Variants in GNGT1 observed in about 807,000 individuals in gnomAD.
The protein encoded by GNGT1 is guanine nucleotide-binding protein G(T) subunit gamma-T1.
Under a neutral mutation model 7.4 loss-of-function variants are expected in GNGT1, and 4 were observed. That is an observed-to-expected ratio of 0.54 (90% CI 0.27 to 1.24). The LOEUF (loss-of-function observed/expected upper bound fraction) is 1.24, where lower values mean the gene tolerates loss of function less well. Ranked by LOEUF, GNGT1 falls within the 50% of genes most tolerant of loss-of-function variation. The pLI, the probability that GNGT1 is intolerant of heterozygous loss-of-function variation, is 0.12. For missense variants in GNGT1, 95 were observed against 82.4 expected (o/e 1.15, Z -0.59); for synonymous variants, 37 against 30.2 (o/e 1.23, Z -0.74).
chr7:93,908,899 CCTGTGCCT>C (rs1794417728), intron 2 of GNGT1, among the ~76,000 whole-genome samples: 1 of 152,050 alleles, frequency 6.6e-6, no homozygotes, highest in South Asian at 2.1e-4. Flanking sequence ...ATCTAACTCA[CCTGTGCCT>C]CTGTTTCTTC....
intron 2 of GNGT1, among the ~76,000 whole-genome samples, chr7:93,907,181 A>C (rs1272692168): frequency 6.6e-6 from 1 of 152,060 alleles, no homozygotes; most frequent in Non-Finnish European, 1.5e-5. Flanking sequence ...AAAAAGAAGG[A>C]AAGAAAGAAA....
intron 2 of GNGT1, among the ~76,000 whole-genome samples, chr7:93,908,953 T>G (rs769577664): frequency 6.6e-6 from 1 of 152,170 alleles, no homozygotes; most frequent in Non-Finnish European, 1.5e-5. Context: ...ATTCAGAGGA[T>G]AATTGGGAGG....
intron 2 of GNGT1, among the ~76,000 whole-genome samples, chr7:93,909,006 G>A (rs1195933051): frequency 2.0e-5 from 3 of 152,064 alleles, no homozygotes; most frequent in Non-Finnish European, 4.4e-5. Context: ...AACAATGCCT[G>A]GTAATAGCAA....
chr7:93,909,303 G>A (rs928772663), intron 2 of GNGT1, among the ~76,000 whole-genome samples: 6 of 152,162 alleles, frequency 3.9e-5, no homozygotes, highest in African/African-American at 1.4e-4. Context: ...TATACATGAA[G>A]TAAATGAACC....
rs866397447 is a variant in GNGT1 at position 93,906,663 on chromosome 7, G to A, written c.-12+19G>A. 1.3e-6 allele frequency: 1 copy of A among 766,812 alleles called. No individual in the cohort carries two copies. Among genetic ancestry groups the A allele is most frequent in the Non-Finnish European group, 2.3e-6 (1 of 443,652 alleles). 47.5% of individuals were successfully genotyped at this position (766,812 alleles called of 1,614,324 possible). A position where few individuals can be genotyped will look rare whatever the true frequency, so the allele number is the denominator to read the frequency against. On this transcript the variant is annotated intron_variant, in intron 1 of 2. Coordinates refer to ENST00000248572, the MANE Select transcript of GNGT1 (RefSeq NM_021955.5). ...TTACTTTGTAAGTTAAGAGCTGAGG[G>A]AATTGTTGGCTAAGACTGACTTGAA...
chr7:93,909,660 G>A, intron 2 of GNGT1: 1 of 520,722 alleles, frequency 1.9e-6, no homozygotes, highest in Non-Finnish European at 3.4e-6. Flanking sequence ...TATTTCAAAA[G>A]TTATGTGAAT....
At chr7:93,908,515 C>A (rs961879984) in intron 2 of GNGT1, among the ~76,000 whole-genome samples, 3 of 152,010 alleles carry the variant, frequency 2.0e-5, no homozygotes, top group South Asian at 2.1e-4. Flanking sequence ...TTTATAAGGA[C>A]GGTAATCCTA....
chr7:93,909,496 A>G (rs760981771), intron 2 of GNGT1: 2 of 702,382 alleles, frequency 2.8e-6, no homozygotes, highest in Non-Finnish European at 5.2e-6. Flanking sequence ...CCAGCCAGGC[A>G]CCTTCAAAAC....
At chr7:93,910,700 C>A in intron 2 of GNGT1, 90 bp from the exon 3 acceptor site, 2 of 904,380 alleles carry the variant, frequency 2.2e-6, no homozygotes, top group Non-Finnish European at 3.3e-6. Context: ...AATTATACAA[C>A]CTGAAAATTT....
chr7:93,909,739 T>A, intron 2 of GNGT1: 1 of 434,582 alleles, frequency 2.3e-6, no homozygotes, highest in Non-Finnish European at 4.1e-6. Flanking sequence ...TTGAAAATAA[T>A]TTGTTTTACT....
In GNGT1 at chr7:93,911,022, G is replaced by C. The variant is rs79786664; in HGVS notation, c.*104G>C. The C allele has an allele frequency of 6.9e-6, 5 of 719,696 alleles. No homozygotes were observed. The highest frequency in any genetic ancestry group is 1.0e-5 in the Non-Finnish European group (5 of 486,154). The allele number at this position is 719,696 out of a possible 1,614,324, so 44.6% of individuals were successfully genotyped here. A position where few individuals can be genotyped will look rare whatever the true frequency, so the allele number is the denominator to read the frequency against. ...CATACTATTACTACTAAGCATGTAC[G>C]TGAATTTTTAAATTTATAGATGTAA... On this transcript the variant is annotated 3_prime_UTR_variant, in exon 3 of 3. Transcript: ENST00000248572.
intron 2 of GNGT1, among the ~76,000 whole-genome samples, chr7:93,908,847 G>T (rs1162165218): frequency 2.0e-5 from 3 of 151,908 alleles, no homozygotes; most frequent in African/African-American, 7.3e-5. Context: ...TCAGATTCTT[G>T]CTCCACAACA....
Position 93,910,782 on chromosome 7 carries a change from C to A in GNGT1, c.97-8C>A. On this transcript the variant is annotated splice_region_variant and splice_polypyrimidine_tract_variant and intron_variant, in intron 2 of 2. Coordinates refer to ENST00000248572, the MANE Select transcript of GNGT1 (RefSeq NM_021955.5). ...CAAATGAGTCATCCCTTTTTCCTTC[C>A]CCTTAAGGTTTCCAAATGTTGTGAA... 1.9e-6 allele frequency: 3 copies of A among 1,585,380 alleles called. No homozygotes were observed. The highest frequency in any genetic ancestry group is 1.2e-5 in the South Asian group (1 of 86,622).
rs779468291 is a variant in GNGT1 at position 93,909,434 on chromosome 7, A to AT, written c.97-1355dup. 6.7e-5 allele frequency: 47 copies of AT among 700,366 alleles called. 1 individual carries two copies. In the South Asian group the frequency reaches 7.0e-4, roughly 10 times the overall value. The allele number at this position is 700,366 out of a possible 1,614,324, so 43.4% of individuals were successfully genotyped here. ...TGAAATAATTTTTAAACCTATACACATATATAATTTTAGGTAATTTGTTGC... is the reference window on the plus strand; with the variant it reads ...TGAAATAATTTTTAAACCTATACACATTATATAATTTTAGGTAATTTGTTGC... On this transcript the variant is annotated intron_variant, in intron 2 of 2. Coordinates refer to ENST00000248572, the MANE Select transcript of GNGT1 (RefSeq NM_021955.5).
At chr7:93,909,825 A>G (rs2115897231) in intron 2 of GNGT1, 1 of 211,678 alleles carries the variant, frequency 4.7e-6, no homozygotes. Context: ...TTTACATAAA[A>G]GCGGACTAAA....
At position 93,907,155 on chromosome 7, in the gene GNGT1, A is replaced by C. The variant is rs186672985; in HGVS notation, c.96+313A>C. 4.6e-5 allele frequency among the ~76,000 whole-genome samples: 7 copies of C among 152,176 alleles called. No homozygotes were observed. The East Asian group carries it at 1.2e-3, about 25-fold the overall frequency. On this transcript the variant is annotated intron_variant, in intron 2 of 2. Coordinates refer to ENST00000248572, the MANE Select transcript of GNGT1 (RefSeq NM_021955.5). ...AAAGAAAGAAAGAGAGAAAGAAGAGAGAGAGAAAGAAAGGGAAAAAGAAGG... is the reference window on the plus strand; with the variant it reads ...AAAGAAAGAAAGAGAGAAAGAAGAGCGAGAGAAAGAAAGGGAAAAAGAAGG...
At chr7:93,909,731 GA>G in intron 2 of GNGT1, 1 of 421,690 alleles carries the variant, frequency 2.4e-6, no homozygotes, top group South Asian at 7.4e-5. Flanking sequence ...GGCTCCAGTT[GA>G]AAATAATTTG....
intron 2 of GNGT1, chr7:93,909,396 T>A (rs1794426097): frequency 1.5e-6 from 1 of 664,140 alleles, no homozygotes; most frequent in Admixed American, 2.2e-5. Context: ...CATATATTTA[T>A]ATTAAGCATC....
At chr7:93,907,273 C>T (rs114279259) in intron 2 of GNGT1, among the ~76,000 whole-genome samples, 1,524 of 151,984 alleles carry the variant, frequency 0.01, 22 homozygotes, top group African/African-American at 0.035. Context: ...AATAAATATA[C>T]GCATGCAATA....
Sources: allele counts gnomAD v4.1 joint callset (sites outside exome capture counted in the v4.1 genomes callset), GRCh38; gene constraint gnomAD v4.1.1; transcripts MANE v1.5; gene names NCBI Gene and HGNC (gene_info 2026-07-23, HGNC 2026-07-21).